CSN1S1: variants seen among roughly 807,000 people sequenced by gnomAD.
The protein encoded by CSN1S1 is alpha-S1-casein.
Under a neutral mutation model 49.1 loss-of-function variants are expected in CSN1S1, and 63 were observed. That is an observed-to-expected ratio of 1.28 (90% CI 1.05 to 1.58). CSN1S1 has a LOEUF of 1.58. Among genes scored for constraint, CSN1S1 ranks in the 40% most tolerant of loss-of-function variants. The pLI is 0.00. For missense variants in CSN1S1, 260 were observed against 224.7 expected, an observed-to-expected ratio of 1.16 and a Z score of -1.01; for synonymous variants, 78 against 67.1, an observed-to-expected ratio of 1.16 and a Z score of -0.79.
At chr4:69,935,536 A>G (rs1292622191) in intron 4 of CSN1S1, among the ~76,000 whole-genome samples, 3 of 152,126 alleles carry the variant, frequency 2.0e-5, no homozygotes. Flanking sequence ...AAATTGCCTT[A>G]AAACAAAGTG....
intron 15 of CSN1S1, 125 bp downstream of exon 15, chr4:69,945,129 C>T (rs528855395): frequency 1.0e-6 from 1 of 955,664 alleles, no homozygotes; most frequent in African/African-American, 1.7e-5. Context: ...CTGCAAAGGA[C>T]TAATATGTTC....
At chr4:69,945,263 C>T (rs1217660326) in intron 15 of CSN1S1, among the ~76,000 whole-genome samples, 2 of 151,950 alleles carry the variant, frequency 1.3e-5, no homozygotes, top group African/African-American at 4.8e-5. Context: ...TGGAAAATAA[C>T]TTCTTTTCAA....
chr4:69,934,989 T>C (rs1407725347), intron 4 of CSN1S1, among the ~76,000 whole-genome samples: 2 of 152,144 alleles, frequency 1.3e-5, no homozygotes, highest in African/African-American at 2.4e-5. Flanking sequence ...AATTAGATCA[T>C]AAAACTAAAA....
At chr4:69,939,718 C>A (rs921801089) in intron 10 of CSN1S1, among the ~76,000 whole-genome samples, 19 of 151,838 alleles carry the variant, frequency 1.3e-4, no homozygotes, top group Admixed American at 4.0e-4. Context: ...GACCTTCATG[C>A]AAGTTACCAA....
At chr4:69,943,597 A>G (rs1411820911) in intron 14 of CSN1S1, among the ~76,000 whole-genome samples, 1 of 152,016 alleles carries the variant, frequency 6.6e-6, no homozygotes, top group Non-Finnish European at 1.5e-5. Flanking sequence ...AAATTACTAA[A>G]CTAGTGCCTT....
intron 2 of CSN1S1, among the ~76,000 whole-genome samples, chr4:69,933,104 T>G (rs1461080742): frequency 1.3e-5 from 2 of 151,700 alleles, no homozygotes; most frequent in Non-Finnish European, 2.9e-5. Flanking sequence ...CAAGAAGGGA[T>G]AGAAAACTAG....
intron 4 of CSN1S1, 56 bp from the exon 5 acceptor site, chr4:69,935,870 G>T: frequency 1.8e-6 from 2 of 1,113,780 alleles, no homozygotes; most frequent in South Asian, 1.4e-5. Flanking sequence ...TTATCTAAAT[G>T]ATTTGATAGA....
chr4:69,933,387 T>G (rs561507345), intron 2 of CSN1S1, among the ~76,000 whole-genome samples: 1 of 152,086 alleles, frequency 6.6e-6, no homozygotes, highest in South Asian at 2.1e-4. Flanking sequence ...AAGAAAAATT[T>G]CTGAAATGCA....
chr4:69,946,023 G>T (rs1375440112), intron 15 of CSN1S1, among the ~76,000 whole-genome samples, 173 bp from the exon 16 acceptor site: 1 of 151,964 alleles, frequency 6.6e-6, no homozygotes, highest in African/African-American at 2.4e-5. Flanking sequence ...TGTCTTTGTA[G>T]CTTAAAAACC....
At chr4:69,945,915 A>G (rs1723150694) in intron 15 of CSN1S1, among the ~76,000 whole-genome samples, 1 of 151,934 alleles carries the variant, frequency 6.6e-6, no homozygotes, top group Non-Finnish European at 1.5e-5. Context: ...AACCAAGGAA[A>G]ATGACCAAAT....
intron 4 of CSN1S1, among the ~76,000 whole-genome samples, chr4:69,935,375 CA>C (rs1196326236): frequency 3.5e-5 from 5 of 141,612 alleles, no homozygotes; most frequent in South Asian, 2.3e-4. Context: ...CCCGTCTCTA[CA>C]AAAAAAATTT....
At position 69,940,005 on chromosome 4, in the gene CSN1S1, T is replaced by C; in HGVS notation, c.277-16T>C. ...GTCGTGAAATTAAAACTATGCATGT[T>C]TTAATTTTTTTAAAGGAAATGTCTC... On this transcript the variant is annotated splice_polypyrimidine_tract_variant and intron_variant, in intron 10 of 15. Coordinates refer to ENST00000246891, the MANE Select transcript of CSN1S1 (RefSeq NM_001890.2). 7.3e-7 allele frequency: 1 copy of C among 1,373,734 alleles called. No individual in the cohort carries two copies. Among genetic ancestry groups the C allele is most frequent in the Non-Finnish European group, 9.9e-7 (1 of 1,014,282 alleles). The allele number at this position is 1,373,734 out of a possible 1,614,324, so 85.1% of individuals were successfully genotyped here. A position where few individuals can be genotyped will look rare whatever the true frequency, so the allele number is the denominator to read the frequency against.
At chr4:69,944,811 G>A (rs763517056) in intron 14 of CSN1S1, 39 bp from the exon 15 acceptor site, 28 of 1,600,594 alleles carry the variant, frequency 1.7e-5, no homozygotes, top group Non-Finnish European at 2.3e-5. Context: ...AAAAGCAATT[G>A]CTCATACACT....
At chr4:69,931,826 G>A (rs1722616021) in intron 1 of CSN1S1, among the ~76,000 whole-genome samples, 1 of 151,724 alleles carries the variant, frequency 6.6e-6, no homozygotes, top group Non-Finnish European at 1.5e-5. Flanking sequence ...CAGTACATGT[G>A]GATGTCCATA....
chr4:69,938,244 T>G (rs1188339706), intron 9 of CSN1S1, among the ~76,000 whole-genome samples: 10 of 151,872 alleles, frequency 6.6e-5, no homozygotes, highest in Admixed American at 6.6e-4. Flanking sequence ...TATGTAAGAT[T>G]TTTACATGAG....
At chr4:69,935,979 C>A (rs1310517083) in intron 5 of CSN1S1, 30 bp downstream of exon 5, 3 of 1,509,756 alleles carry the variant, frequency 2.0e-6, no homozygotes, top group Middle Eastern at 1.7e-4. Context: ...ATTTACCGTG[C>A]AATTAACAAA....
At chr4:69,933,989 G>A (rs1421725471) in intron 2 of CSN1S1, among the ~76,000 whole-genome samples, 1 of 151,756 alleles carries the variant, frequency 6.6e-6, no homozygotes, top group Non-Finnish European at 1.5e-5. Flanking sequence ...TCTAAAGAAA[G>A]GAAATGATTA....
At chr4:69,941,930 G>A (rs1722981314) in intron 12 of CSN1S1, 116 bp from the exon 13 acceptor site, 2 of 567,950 alleles carry the variant, frequency 3.5e-6, no homozygotes, top group East Asian at 3.0e-5. Context: ...GTATTTTACA[G>A]TGGTATCTCC....
chr4:69,932,588 T>A lies in CSN1S1; in HGVS notation c.33T>A (p.Ala11=). The change falls in exon 2 of 16, where the codon GCT becomes GCA. Residue 11 remains alanine (A), a synonymous_variant. Coordinates refer to ENST00000246891, the MANE Select transcript of CSN1S1 (RefSeq NM_001890.2). ...TTCTCATTCTCACCTGTCTTGTGGC[T>A]GTTGCTCTTGCCAGGCCTGTAAGTT... MRLLILTCLV[A]VALARPKLPL... 1 of 1,602,134 alleles carries A rather than the reference T, an allele frequency of 6.2e-7. No homozygotes were observed. Among genetic ancestry groups the A allele is most frequent in the South Asian group, 1.1e-5 (1 of 89,214 alleles).
Sources: allele counts gnomAD v4.1 joint callset (sites outside exome capture counted in the v4.1 genomes callset), GRCh38; gene constraint gnomAD v4.1.1; transcripts MANE v1.5; gene names NCBI Gene and HGNC (gene_info 2026-07-23, HGNC 2026-07-21).